The following SLAMF9 variants were observed in gnomAD, a reference collection of about 807,000 sequenced individuals.
The protein encoded by SLAMF9 is SLAM family member 9.
In SLAMF9, 25 loss-of-function variants were observed where a neutral mutation model predicts 30.4. The observed-to-expected ratio is 0.82, with a 90% CI of 0.60 to 1.15. The LOEUF is 1.15. Ranked by LOEUF, SLAMF9 falls within the 50% of genes most tolerant of loss-of-function variation. The probability of loss-of-function intolerance (pLI) is 0.00; values close to 1 mark genes in which losing one functional copy is unlikely to be tolerated. For synonymous variants in SLAMF9, 129 were observed against 127.2 expected, an observed-to-expected ratio of 1.01 and a Z score of -0.09; for missense variants, 344 against 346.1, an observed-to-expected ratio of 0.99 and a Z score of 0.05.
chr1:159,968,146 G>A, the SLAMF9 span, among the ~76,000 whole-genome samples: 1 of 152,306 alleles, frequency 6.6e-6, no homozygotes, highest in East Asian at 1.9e-4. Flanking sequence ...TTGAAAACGA[G>A]TAGTGGAAGT....
the SLAMF9 span, among the ~76,000 whole-genome samples, chr1:159,970,911 G>A: frequency 6.6e-6 from 1 of 152,286 alleles, no homozygotes; most frequent in South Asian, 2.1e-4. Flanking sequence ...ATCAGCCTAG[G>A]AAAGAAGCGC....
chr1:159,978,056 C>T, the SLAMF9 span, among the ~76,000 whole-genome samples: 2 of 152,080 alleles, frequency 1.3e-5, no homozygotes, highest in East Asian at 1.9e-4. Flanking sequence ...ACTGCCAGCC[C>T]CCACCACTGC....
At chr1:159,976,912 A>AAAAGAAAGAAAGAAAG in the SLAMF9 span, 2 of 59,590 alleles carry the variant, frequency 3.4e-5, no homozygotes, top group African/African-American at 1.2e-4. Context: ...AGGAAAGAAA[A>AAAAGAAAGAAAGAAAG]AAAGAAAGAA....
the SLAMF9 span, among the ~76,000 whole-genome samples, chr1:159,982,703 G>A: frequency 6.6e-6 from 1 of 152,140 alleles, no homozygotes; most frequent in African/African-American, 2.4e-5. Context: ...TGTCTATATG[G>A]GTACATATGC....
the SLAMF9 span, chr1:159,974,138 C>A: frequency 9.1e-7 from 1 of 1,097,204 alleles, no homozygotes; most frequent in South Asian, 1.4e-5. Flanking sequence ...TGTCCTCCAG[C>A]CTAAGGCCTC....
At chr1:159,973,186 G>C in the SLAMF9 span, 3 of 1,505,018 alleles carry the variant, frequency 2.0e-6, no homozygotes, top group Non-Finnish European at 2.8e-6. Context: ...GCTGACCTCA[G>C]GGGGTGCAGC....
rs147531111 is a variant in SLAMF9 at position 159,951,913 on chromosome 1, G to A, written c.665-47C>T. 44 of 1,577,398 alleles carry A rather than the reference G, an allele frequency of 2.8e-5. No homozygotes were observed. In the Middle Eastern group the frequency reaches 1.5e-3, roughly 55 times the overall value. On this transcript the variant is annotated intron_variant, in intron 3 of 3. Transcript: ENST00000368093. ...AAGGGCCCATCAGTGGTAGGGTTGG[G>A]GTTAAGATTTGGGCAGACTCCTACC... is the stretch of plus-strand genomic sequence containing the variant.
At chr1:159,974,475 A>T in the SLAMF9 span, among the ~76,000 whole-genome samples, 1 of 152,112 alleles carries the variant, frequency 6.6e-6, no homozygotes, top group Non-Finnish European at 1.5e-5. Context: ...GTCCAGGCTG[A>T]CCCAATAGTC....
the SLAMF9 span, among the ~76,000 whole-genome samples, chr1:159,961,959 C>A: frequency 6.6e-6 from 1 of 151,508 alleles, no homozygotes; most frequent in East Asian, 2.0e-4. Context: ...GAGTTCGAGA[C>A]CAGCCCGGCC....
At chr1:159,961,815 G>T in the SLAMF9 span, among the ~76,000 whole-genome samples, 60 of 152,296 alleles carry the variant, frequency 3.9e-4, 1 homozygote, top group African/African-American at 1.3e-3. Context: ...ACTGCAGGCC[G>T]CTCACTGGGG....
intron 2 of SLAMF9, 134 bp from the exon 3 acceptor site, chr1:159,952,668 A>G (rs1317520): frequency 0.21 from 185,161 of 897,346 alleles, 21,309 homozygotes; most frequent in African/African-American, 0.44. Context: ...GGCAAAAGCA[A>G]ACAAACCCAA....
At chr1:159,966,419 A>C in the SLAMF9 span, among the ~76,000 whole-genome samples, 4 of 152,200 alleles carry the variant, frequency 2.6e-5, no homozygotes, top group Admixed American at 6.5e-5. Context: ...TAAACATGGG[A>C]GTTCATGTTA....
chr1:159,976,917 A>AAAG, the SLAMF9 span: 10 of 644 alleles, frequency 0.016, no homozygotes, highest in Non-Finnish European at 0.18. Context: ...AGAAAAAAAG[A>AAAG]AAGAAAGAAA....
chr1:159,952,194 G>C, intron 3 of SLAMF9, 68 bp downstream of exon 3: 2 of 1,562,542 alleles, frequency 1.3e-6, no homozygotes, highest in Non-Finnish European at 8.8e-7. Flanking sequence ...GAAGAGCTGG[G>C]GGAGGGAGAT....
the SLAMF9 span, among the ~76,000 whole-genome samples, chr1:159,966,910 G>A: frequency 1.3e-5 from 2 of 151,360 alleles, no homozygotes; most frequent in Non-Finnish European, 3.0e-5. Flanking sequence ...CCATTCTGTG[G>A]GTCTGTTCAC....
the SLAMF9 span, among the ~76,000 whole-genome samples, chr1:159,982,336 G>A: frequency 6.6e-5 from 10 of 152,070 alleles, no homozygotes; most frequent in East Asian, 1.9e-4. Context: ...CGTCAATGCC[G>A]CTTCACATCA....
In SLAMF9 at chr1:159,952,321, G is replaced by T; in HGVS notation, c.605C>A (p.Ala202Asp). Residue 202 changes from alanine to aspartate, a missense_variant, in exon 3 of 4, where the codon GCC (alanine) becomes GAC (aspartate). By Grantham distance (126) the Ala-to-Asp change is moderately radical. Coordinates refer to ENST00000368093, the MANE Select transcript of SLAMF9 (RefSeq NM_033438.4). The part of the protein sequence containing the change: ...GDSALSYTCR[A>D]NNPISNVSSC... ...ACTGACGTTGCTGATGGGGTTGTTGGCTCTGCAGGTGTAGGAGAGGGCACT... is the reference window on the plus strand; with the variant it reads ...ACTGACGTTGCTGATGGGGTTGTTGTCTCTGCAGGTGTAGGAGAGGGCACT... The T allele has an allele frequency of 6.2e-7, 1 of 1,614,130 alleles. No homozygotes were observed. The highest frequency in any genetic ancestry group is 8.5e-7 in the Non-Finnish European group (1 of 1,180,004).
chr1:159,962,451 G>A, the SLAMF9 span, among the ~76,000 whole-genome samples: 1 of 152,126 alleles, frequency 6.6e-6, no homozygotes, highest in South Asian at 2.1e-4. Flanking sequence ...ATGCTGACGA[G>A]CAGATCCAGT....
the SLAMF9 span, chr1:159,961,299 A>T: frequency 6.6e-6 from 1 of 152,192 alleles, no homozygotes; most frequent in Non-Finnish European, 1.5e-5. Context: ...GAGGAAAGAT[A>T]ATAAAAGGCC....
Sources: gnomAD v4.1 joint callset for allele counts (sites outside exome capture counted in the v4.1 genomes callset) on GRCh38, gnomAD v4.1.1 for gene constraint, MANE v1.5 for transcripts, NCBI Gene and HGNC (gene_info 2026-07-23, HGNC 2026-07-21) for gene names.